Variants in TRIM38 observed in about 807,000 individuals in gnomAD.
TRIM38 encodes E3 ubiquitin-protein ligase TRIM38.
TRIM38 carries 35 observed loss-of-function variants against 35.8 expected under a neutral mutation model. That is an observed-to-expected ratio of 0.98 (90% CI 0.75 to 1.30). The LOEUF (loss-of-function observed/expected upper bound fraction) is 1.30, where lower values mean the gene tolerates loss of function less well. Among genes scored for constraint, TRIM38 ranks in the 50% most tolerant of loss-of-function variants. The pLI, the probability that TRIM38 is intolerant of heterozygous loss-of-function variation, is 0.00. For missense variants in TRIM38, 545 were observed against 556.9 expected (o/e 0.98, Z 0.21); for synonymous variants, 198 against 204.7 (o/e 0.97, Z 0.28).
Position 25,986,505 on chromosome 6 carries a change from C to A in TRIM38, c.*2818C>A, listed in dbSNP as rs1311240384. On this transcript the variant is annotated 3_prime_UTR_variant, in exon 8 of 8. Transcript: ENST00000357085. ...TTCCAGCCTAAGTGACAGAGCAAGA[C>A]CTTGTCTCAAAAAAAAAAAAAAAAA... 1 of 146,190 alleles carries A rather than the reference C, an allele frequency of 6.8e-6. No homozygotes were observed. Among genetic ancestry groups the A allele is most frequent in the Non-Finnish European group, 1.5e-5 (1 of 67,082 alleles). The allele number at this position is 146,190 out of a possible 1,614,324, so 9.1% of individuals were successfully genotyped here. A position where few individuals can be genotyped will look rare whatever the true frequency, so the allele number is the denominator to read the frequency against.
intron 7 of TRIM38, chr6:25,973,602 T>C (rs1449272330): frequency 1.0e-6 from 1 of 977,294 alleles, no homozygotes; most frequent in Non-Finnish European, 1.2e-6. Flanking sequence ...TCATCAAAAT[T>C]AAATGCATCA....
chr6:25,966,556 GAGGA>G lies in TRIM38; in HGVS notation c.37_40del (p.Glu13ProfsTer7). The G allele has an allele frequency of 6.2e-7, 1 of 1,613,008 alleles. No homozygotes were observed. The highest frequency in any genetic ancestry group is 8.5e-7 in the Non-Finnish European group (1 of 1,179,312). Reference sequence around the variant, plus strand: ...AACCACCAGCACCAAGAAGATGATGGAGGAAGCCACCTGCTCCATCTGCCTGAGC... The same window carrying G: ...AACCACCAGCACCAAGAAGATGATGGAGCCACCTGCTCCATCTGCCTGAGC... On this transcript the variant is annotated frameshift_variant, in exon 3 of 8. Coordinates refer to ENST00000357085, the MANE Select transcript of TRIM38 (RefSeq NM_006355.5). LOFTEE classifies it high-confidence loss of function.
intron 3 of TRIM38, among the ~76,000 whole-genome samples, chr6:25,967,441 G>A (rs1271098166): frequency 2.0e-5 from 3 of 151,036 alleles, no homozygotes; most frequent in Middle Eastern, 6.9e-3. Context: ...TGAAGGACAC[G>A]TAAAAATTGA....
chr6:25,965,938 AG>A (rs1237614306), intron 2 of TRIM38, among the ~76,000 whole-genome samples: 1 of 151,592 alleles, frequency 6.6e-6, no homozygotes, highest in Non-Finnish European at 1.5e-5. Context: ...AAAAAAAAAA[AG>A]TTAGAAGACT....
At chr6:25,967,024 T>A in intron 3 of TRIM38, 91 bp downstream of exon 3, 2 of 1,351,310 alleles carry the variant, frequency 1.5e-6, no homozygotes, top group Admixed American at 4.7e-5. Flanking sequence ...CCTAACATTA[T>A]GACTTGGAAA....
rs910792970 is a variant in TRIM38 at position 25,990,382 on chromosome 6, C to T, written c.*6695C>T. On this transcript the variant is annotated 3_prime_UTR_variant, in exon 8 of 8. Coordinates refer to ENST00000357085, the MANE Select transcript of TRIM38 (RefSeq NM_006355.5). ...GGAGTGCAGTGGCAAGATCAGGGCTCACTGCAGCCTTGACTGCCTAGGCTC... is the reference window on the plus strand; with the variant it reads ...GGAGTGCAGTGGCAAGATCAGGGCTTACTGCAGCCTTGACTGCCTAGGCTC... 6.6e-6 allele frequency: 1 copy of T among 152,254 alleles called. No homozygotes were observed. The highest frequency in any genetic ancestry group is 2.4e-5 in the African/African-American group (1 of 41,424). 9.4% of individuals were successfully genotyped at this position (152,254 alleles called of 1,614,324 possible).
Position 25,986,060 on chromosome 6 carries a change from G to T in TRIM38, c.*2373G>T, listed in dbSNP as rs1379856220. On this transcript the variant is annotated 3_prime_UTR_variant, in exon 8 of 8. Transcript: ENST00000357085. ...ATAAATCATTAGCTATTTTAATAAA[G>T]AATACAGAAGAAAATAGGAACAAAA... The T allele has an allele frequency of 6.6e-6, 1 of 152,036 alleles. No homozygotes were observed. Among genetic ancestry groups the T allele is most frequent in the Non-Finnish European group, 1.5e-5 (1 of 68,006 alleles). The allele number at this position is 152,036 out of a possible 1,614,324, so 9.4% of individuals were successfully genotyped here.
intron 7 of TRIM38, among the ~76,000 whole-genome samples, chr6:25,976,219 A>G (rs1760388226): frequency 6.6e-6 from 1 of 152,214 alleles, no homozygotes; most frequent in Non-Finnish European, 1.5e-5. Flanking sequence ...TCTAGAGTCT[A>G]GAAACCACTC....
rs946394538 is a variant in TRIM38 at position 25,966,396 on chromosome 6, A to G, written c.-127A>G. On this transcript the variant is annotated 5_prime_UTR_variant, in exon 3 of 8. An upstream start codon of the reference 5' UTR is lost. Transcript: ENST00000357085. ...GTTGGAAGGAAAACCTTCAAGACCT[A>G]TGGAAGTCAGTTGCAGCCAGCTCAT... 9.3e-6 allele frequency: 9 copies of G among 972,746 alleles called. No homozygotes were observed. Among genetic ancestry groups the G allele is most frequent in the South Asian group, 1.9e-5 (1 of 52,864 alleles). 60.3% of individuals were successfully genotyped at this position (972,746 alleles called of 1,614,324 possible). A position where few individuals can be genotyped will look rare whatever the true frequency, so the allele number is the denominator to read the frequency against.
chr6:25,974,051 C>G (rs1368356911), intron 7 of TRIM38: 1 of 196,378 alleles, frequency 5.1e-6, no homozygotes, highest in Non-Finnish European at 9.2e-6. Flanking sequence ...TAATTTAGAA[C>G]CTTAATACAA....
rs1760730332 is a variant in TRIM38 at position 25,987,137 on chromosome 6, C to G, written c.*3450C>G. Reference sequence around the variant, plus strand: ...TTCACACTCATACTATTTAAACTGTCCTAGTCAATGACCAAAAAAGAAAAG... The same window carrying G: ...TTCACACTCATACTATTTAAACTGTGCTAGTCAATGACCAAAAAAGAAAAG... On this transcript the variant is annotated 3_prime_UTR_variant, in exon 8 of 8. Transcript: ENST00000357085. The G allele has an allele frequency of 6.6e-6, 1 of 151,942 alleles. No individual in the cohort carries two copies. The highest frequency in any genetic ancestry group is 1.5e-5 in the Non-Finnish European group (1 of 68,002). 9.4% of individuals were successfully genotyped at this position (151,942 alleles called of 1,614,324 possible). A position where few individuals can be genotyped will look rare whatever the true frequency, so the allele number is the denominator to read the frequency against.
At chr6:25,964,614 C>T (rs1320686322) in intron 2 of TRIM38, among the ~76,000 whole-genome samples, 1 of 152,120 alleles carries the variant, frequency 6.6e-6, no homozygotes, top group Non-Finnish European at 1.5e-5. Context: ...TCTAGTGTGA[C>T]TGGTCTTTAT....
Position 25,985,200 on chromosome 6 carries a change from G to A in TRIM38, c.*1513G>A, listed in dbSNP as rs1433987291. On this transcript the variant is annotated 3_prime_UTR_variant, in exon 8 of 8. Transcript: ENST00000357085. ...TAAAAGCAGGATATGAAATTGTGAA[G>A]GTGTCTTCTTACTCGGGGAAGAACA... is the stretch of plus-strand genomic sequence containing the variant. 6.6e-6 allele frequency: 1 copy of A among 151,194 alleles called. No individual in the cohort carries two copies. The highest frequency in any genetic ancestry group is 6.6e-5 in the Admixed American group (1 of 15,134). 9.4% of individuals were successfully genotyped at this position (151,194 alleles called of 1,614,324 possible).
chr6:25,974,354 A>G (rs544062382), intron 7 of TRIM38, among the ~76,000 whole-genome samples: 100 of 152,338 alleles, frequency 6.6e-4, no homozygotes, highest in African/African-American at 2.3e-3. Context: ...TAACATGGCC[A>G]GTTATTTCTT....
rs1354653549 is a variant in TRIM38 at position 25,987,457 on chromosome 6, T to TCCCATCATG, written c.*3780_*3788dup. The stretch of plus-strand genomic sequence containing the variant: ...CTGGTCTTTTCTTATAAGGGACCAG[T>TCCCATCATG]CCCATCATGCCCATCATGAAGACTC... On this transcript the variant is annotated 3_prime_UTR_variant, in exon 8 of 8. Transcript: ENST00000357085. 4 of 152,082 alleles carry TCCCATCATG rather than the reference T, an allele frequency of 2.6e-5. No homozygotes were observed. Among genetic ancestry groups the TCCCATCATG allele is most frequent in the Non-Finnish European group, 5.9e-5 (4 of 68,016 alleles). 9.4% of individuals were successfully genotyped at this position (152,082 alleles called of 1,614,324 possible).
chr6:25,966,572 C>T lies in TRIM38; in HGVS notation c.50C>T (p.Ser17Phe). The change falls in exon 3 of 8, where the codon TCC becomes TTC. Residue 17 changes from serine to phenylalanine, a missense_variant. Physicochemically the swap from Ser to Phe is radical, Grantham distance 155 (BLOSUM62 -2). Transcript: ENST00000357085. Reference protein sequence around the residue: ...TKKMMEEATCSICLSLMTNPV... With the variant: ...TKKMMEEATCFICLSLMTNPV... ...AAGATGATGGAGGAAGCCACCTGCT[C>T]CATCTGCCTGAGCCTGATGACGAAC... 1.2e-6 allele frequency: 2 copies of T among 1,613,996 alleles called. No homozygotes were observed. The highest frequency in any genetic ancestry group is 2.2e-5 in the East Asian group (1 of 44,876).
At chr6:25,970,293 G>A (rs927502300) in intron 4 of TRIM38, among the ~76,000 whole-genome samples, 7 of 152,248 alleles carry the variant, frequency 4.6e-5, no homozygotes, top group Admixed American at 1.3e-4. Flanking sequence ...GATTATTTCC[G>A]TGGCTGACTA....
At position 25,982,933 on chromosome 6, in the gene TRIM38, A is replaced by T. The variant is rs186145159; in HGVS notation, c.875-231A>T. On this transcript the variant is annotated intron_variant, in intron 7 of 7. Coordinates refer to ENST00000357085, the MANE Select transcript of TRIM38 (RefSeq NM_006355.5). ...GAAACCCCATCTCTACAGAAAATTT[A>T]AAAAAATTAGCCACTTGTGGTGGTG... 1.0e-3 allele frequency among the ~76,000 whole-genome samples: 158 copies of T among 152,182 alleles called. 1 individual carries two copies. In the East Asian group the frequency reaches 0.019, roughly 18 times the overall value.
intron 5 of TRIM38, among the ~76,000 whole-genome samples, chr6:25,972,617 A>G (rs755578148): frequency 1.3e-4 from 20 of 152,168 alleles, no homozygotes; most frequent in Non-Finnish European, 2.5e-4. Context: ...GATACCTGCT[A>G]CCACCATCTT....
Sources: gnomAD v4.1 joint callset for allele counts (sites outside exome capture counted in the v4.1 genomes callset) on GRCh38, gnomAD v4.1.1 for gene constraint, MANE v1.5 for transcripts, NCBI Gene and HGNC (gene_info 2026-07-23, HGNC 2026-07-21) for gene names.